The following NTF3 variants were observed in gnomAD, a reference collection of about 807,000 sequenced individuals.
The protein encoded by NTF3 is neurotrophin-3.
A neutral mutation model predicts 26.3 loss-of-function variants in NTF3; 8 were observed. The observed-to-expected ratio is 0.30, with a 90% confidence interval of 0.18 to 0.55. NTF3 has a LOEUF of 0.55. Ranked by LOEUF, NTF3 falls within the 20% of genes least tolerant of loss-of-function variation. The pLI, the probability that NTF3 is intolerant of heterozygous loss-of-function variation, is 0.93. For synonymous variants in NTF3, 154 were observed against 145.5 expected (o/e 1.06, Z -0.42); for missense variants, 276 against 352.9 (o/e 0.78, Z 1.75).
chr12:5,482,675 A>G (rs907260413), intron 1 of NTF3, among the ~76,000 whole-genome samples: 7 of 151,444 alleles, frequency 4.6e-5, no homozygotes, highest in African/African-American at 1.7e-4. Context: ...TGTACAAGAA[A>G]GAGACCCCCC....
chr12:5,436,440 C>T (rs1292251656), intron 1 of NTF3, among the ~76,000 whole-genome samples: 2 of 152,140 alleles, frequency 1.3e-5, no homozygotes, highest in Non-Finnish European at 2.9e-5. Context: ...AGTTCTAGTC[C>T]AGTTCTACCA....
chr12:5,459,340 G>T (rs185682587), intron 1 of NTF3, among the ~76,000 whole-genome samples: 1 of 152,182 alleles, frequency 6.6e-6, no homozygotes, highest in Non-Finnish European at 1.5e-5. Context: ...GTGAAAAGAG[G>T]GCTTGGGAAG....
chr12:5,432,240 CG>C lies in NTF3; in HGVS notation c.-81del. Reference sequence around the variant, plus strand: ...TTCCCCTGCTGGGTAGTGGCTGCGGCGGGGTGGGGGAGACTTTGAATGACCG... The same window carrying C: ...TTCCCCTGCTGGGTAGTGGCTGCGGCGGGTGGGGGAGACTTTGAATGACCG... On this transcript the variant is annotated 5_prime_UTR_variant, in exon 1 of 2. Transcript: ENST00000423158. The C allele has an allele frequency of 7.0e-7, 1 of 1,437,678 alleles. No individual in the cohort carries two copies. The highest frequency in any genetic ancestry group is 1.1e-5 in the South Asian group (1 of 87,440). 89.1% of individuals were successfully genotyped at this position (1,437,678 alleles called of 1,614,324 possible).
At chr12:5,447,190 G>T (rs1940317175) in intron 1 of NTF3, among the ~76,000 whole-genome samples, 1 of 152,190 alleles carries the variant, frequency 6.6e-6, no homozygotes, top group Non-Finnish European at 1.5e-5. Flanking sequence ...TTTGGTTTTT[G>T]ATTAAAGGAC....
chr12:5,457,964 A>G (rs1457521135), intron 1 of NTF3, among the ~76,000 whole-genome samples: 2 of 152,168 alleles, frequency 1.3e-5, no homozygotes, highest in South Asian at 2.1e-4. Context: ...CCGCTACGCT[A>G]ATCAAAACCA....
At chr12:5,476,376 T>C (rs1940723803) in intron 1 of NTF3, among the ~76,000 whole-genome samples, 1 of 152,096 alleles carries the variant, frequency 6.6e-6, no homozygotes, top group South Asian at 2.1e-4. Flanking sequence ...TAGGAGCAGC[T>C]GTGAGGGGAG....
intron 1 of NTF3, among the ~76,000 whole-genome samples, chr12:5,467,054 AC>A (rs1407039504): frequency 6.6e-6 from 1 of 151,712 alleles, no homozygotes; most frequent in Non-Finnish European, 1.5e-5. Context: ...AGATGGTGAA[AC>A]CCCGTCTCTA....
chr12:5,474,484 G>A (rs1940699929), intron 1 of NTF3, among the ~76,000 whole-genome samples: 1 of 152,190 alleles, frequency 6.6e-6, no homozygotes, highest in African/African-American at 2.4e-5. Context: ...GAAAACCCAG[G>A]TCCCTCGCTG....
At chr12:5,483,307 G>A (rs527895453) in intron 1 of NTF3, among the ~76,000 whole-genome samples, 217 of 152,212 alleles carry the variant, frequency 1.4e-3, no homozygotes, top group African/African-American at 4.9e-3. Context: ...AGTCCGACCC[G>A]TGGGGCTTGC....
intron 1 of NTF3, among the ~76,000 whole-genome samples, chr12:5,435,468 AAGCTG>A (rs1940155483): frequency 6.6e-6 from 1 of 152,142 alleles, no homozygotes; most frequent in Non-Finnish European, 1.5e-5. Context: ...GGCCAAAGGG[AAGCTG>A]ACTTGAAATA....
intron 1 of NTF3, among the ~76,000 whole-genome samples, chr12:5,436,472 G>A (rs963599410): frequency 6.6e-6 from 1 of 152,084 alleles, no homozygotes; most frequent in African/African-American, 2.4e-5. Flanking sequence ...TGTGACTTTG[G>A]GGACATTTTT....
chr12:5,473,416 G>A lies in NTF3; in HGVS notation c.19-20778G>A, dbSNP rs78968372. 9.9e-3 allele frequency among the ~76,000 whole-genome samples: 1,502 copies of A among 152,332 alleles called. 27 individuals are homozygous for A. Among genetic ancestry groups the A allele is most frequent in the African/African-American group, 0.032 (1,346 of 41,572 alleles). On this transcript the variant is annotated intron_variant, in intron 1 of 1. Transcript: ENST00000423158. ...CCCAGAGCCTTGTCCGTGCTTAGAC[G>A]TTGCCTTCACAGAGGTGGCTAAGGG... is the stretch of plus-strand genomic sequence containing the variant.
intron 1 of NTF3, among the ~76,000 whole-genome samples, chr12:5,468,372 T>A (rs1320482472): frequency 1.3e-5 from 2 of 152,194 alleles, no homozygotes; most frequent in Non-Finnish European, 2.9e-5. Flanking sequence ...AGGGCCTTTT[T>A]TTTACTTTTC....
intron 1 of NTF3, among the ~76,000 whole-genome samples, chr12:5,446,602 AG>A (rs998569854): frequency 5.3e-5 from 8 of 152,162 alleles, no homozygotes; most frequent in Admixed American, 5.2e-4. Context: ...ACAGCCAGGG[AG>A]TAGAGGTTCA....
chr12:5,448,931 G>A (rs1940338269), intron 1 of NTF3, among the ~76,000 whole-genome samples: 1 of 152,214 alleles, frequency 6.6e-6, no homozygotes, highest in South Asian at 2.1e-4. Context: ...ACGCACTTCT[G>A]AGTTCTTGAT....
At chr12:5,489,906 CTT>C (rs1421058337) in intron 1 of NTF3, among the ~76,000 whole-genome samples, 1 of 152,164 alleles carries the variant, frequency 6.6e-6, no homozygotes, top group African/African-American at 2.4e-5. Flanking sequence ...AAATTGCTCT[CTT>C]TTGAGTATTT....
chr12:5,484,074 A>G (rs1030412372), intron 1 of NTF3, among the ~76,000 whole-genome samples: 1 of 152,188 alleles, frequency 6.6e-6, no homozygotes, highest in African/African-American at 2.4e-5. Context: ...CCCTATTGGT[A>G]GGTGTGGGCA....
chr12:5,463,678 A>G (rs1484453413), intron 1 of NTF3, among the ~76,000 whole-genome samples: 1 of 152,138 alleles, frequency 6.6e-6, no homozygotes, highest in Non-Finnish European at 1.5e-5. Flanking sequence ...TTTATGATGA[A>G]ATTAGGTTTT....
chr12:5,452,799 C>T (rs767814231), intron 1 of NTF3, among the ~76,000 whole-genome samples: 1 of 152,188 alleles, frequency 6.6e-6, no homozygotes, highest in Admixed American at 6.5e-5. Context: ...GTCGCCTCCC[C>T]TTTGCTTCAT....
Sources: allele counts gnomAD v4.1 joint callset (sites outside exome capture counted in the v4.1 genomes callset), GRCh38; gene constraint gnomAD v4.1.1; transcripts MANE v1.5; gene names NCBI Gene and HGNC (gene_info 2026-07-23, HGNC 2026-07-21).